GALNT5: variants seen among roughly 807,000 people sequenced by gnomAD.
GALNT5 encodes the protein UDP-GalNAc:polypeptide N-acetylgalactosaminyltransferase 5.
GALNT5 carries 72 observed loss-of-function variants against 85.4 expected under a neutral mutation model. The observed-to-expected ratio is 0.84, with a 90% CI of 0.70 to 1.03. GALNT5 has a LOEUF of 1.03. Ranked by LOEUF, GALNT5 falls within the 50% of genes least tolerant of loss-of-function variation. The pLI is 0.00. For synonymous variants in GALNT5, 404 were observed against 397.0 expected, an observed-to-expected ratio of 1.02 and a Z score of -0.21; for missense variants, 1,137 against 1,135.5, an observed-to-expected ratio of 1.00 and a Z score of -0.02.
Position 157,286,019 on chromosome 2 carries a change from T to C in GALNT5, c.1626T>C (p.Tyr542=). 1 of 1,596,110 alleles carries C rather than the reference T, an allele frequency of 6.3e-7. No homozygotes were observed. Among genetic ancestry groups the C allele is most frequent in the Non-Finnish European group, 8.6e-7 (1 of 1,163,824 alleles). ...LLVDDFSTKD[Y]LKDNLDKYMS... Reference sequence around the variant, plus strand: ...TTTATCTTTACTCTGATGTAGACTATCTAAAAGATAATTTGGATAAATACA... The same window carrying C: ...TTTATCTTTACTCTGATGTAGACTACCTAAAAGATAATTTGGATAAATACA... Residue 542 remains tyrosine (Y), a synonymous_variant, in exon 3 of 10, where the codon TAT becomes TAC. Transcript: ENST00000259056.
intron 8 of GALNT5, among the ~76,000 whole-genome samples, chr2:157,307,494 A>T (rs986898271): frequency 6.6e-6 from 1 of 152,184 alleles, no homozygotes; most frequent in Non-Finnish European, 1.5e-5. Context: ...ATATTATGCC[A>T]TACTTCCATG....
intron 9 of GALNT5, among the ~76,000 whole-genome samples, chr2:157,309,985 AGG>A (rs576049311): frequency 6.8e-4 from 104 of 152,108 alleles, no homozygotes; most frequent in African/African-American, 2.2e-3. Flanking sequence ...GGAAGGAGAA[AGG>A]GGGGGATGTG....
In GALNT5 at chr2:157,300,811, G is replaced by A. The variant is rs1284506715; in HGVS notation, c.2251G>A (p.Val751Ile). 6.2e-7 allele frequency: 1 copy of A among 1,614,096 alleles called. No homozygotes were observed. Among genetic ancestry groups the A allele is most frequent in the Non-Finnish European group, 8.5e-7 (1 of 1,180,018 alleles). ...GCGGAACTTGGTGCGGGTTGCCGAGGTCTGGCTGGATGAGTATAAGGAGCT... is the reference window on the plus strand; with the variant it reads ...GCGGAACTTGGTGCGGGTTGCCGAGATCTGGCTGGATGAGTATAAGGAGCT... ...VERNLVRVAE[V>I]WLDEYKELFY... Residue 751 changes from valine to isoleucine, a missense_variant, in exon 7 of 10, where the codon GTC becomes ATC. Coordinates refer to ENST00000259056, the MANE Select transcript of GALNT5 (RefSeq NM_014568.3).
chr2:157,299,365 T>G (rs959173012), intron 5 of GALNT5, among the ~76,000 whole-genome samples, 183 bp from the exon 6 acceptor site: 5 of 152,198 alleles, frequency 3.3e-5, no homozygotes, highest in African/African-American at 1.2e-4. Flanking sequence ...AATCTAGCTC[T>G]GCCACCATGA....
At position 157,286,616 on chromosome 2, in the gene GALNT5, G is replaced by A. The variant is rs1008749092; in HGVS notation, c.1741+482G>A. Among the ~76,000 whole-genome samples the A allele has an allele frequency of 2.0e-5, 3 of 152,004 alleles. No individual in the cohort carries two copies. In the East Asian group the frequency reaches 5.8e-4, roughly 29 times the overall value. ...CCTCCCTCGTTCACACCGTTCTCCT[G>A]CCTCAGCCTCCCAAGTAGCTGGGAT... On this transcript the variant is annotated intron_variant, in intron 3 of 9. Transcript: ENST00000259056.
chr2:157,300,752 A>G lies in GALNT5; in HGVS notation c.2192A>G (p.Tyr731Cys), dbSNP rs747880412. ...VGHIFRNDNP[Y>C]SFPKDRMKTV... ...CATATATTCAGAAATGACAATCCAT[A>G]TTCCTTCCCCAAAGACCGGATGAAG... The change falls in exon 7 of 10, where the codon TAT becomes TGT. Residue 731 changes from tyrosine (Y) to cysteine (C), a missense_variant. Physicochemically the swap from Tyr to Cys is radical, Grantham distance 194 (BLOSUM62 -2). Coordinates refer to ENST00000259056, the MANE Select transcript of GALNT5 (RefSeq NM_014568.3). 23 of 1,614,032 alleles carry G rather than the reference A, an allele frequency of 1.4e-5. No homozygotes were observed. The highest frequency in any genetic ancestry group is 1.9e-5 in the Non-Finnish European group (22 of 1,179,926).
At chr2:157,286,239 T>G (rs751486317) in intron 3 of GALNT5, 105 bp downstream of exon 3, 3 of 836,856 alleles carry the variant, frequency 3.6e-6, no homozygotes, top group Non-Finnish European at 5.8e-6. Context: ...TGCCTATATA[T>G]GCATCACTTA....
chr2:157,290,112 T>TATATATATATATACACACACAC (rs1416458086), intron 3 of GALNT5, among the ~76,000 whole-genome samples: 4 of 138,254 alleles, frequency 2.9e-5, no homozygotes, highest in African/African-American at 1.2e-4. Flanking sequence ...TATATATATA[T>TATATATATATATACACACACAC]ACATACACAA....
chr2:157,289,388 G>A (rs954150111), intron 3 of GALNT5, among the ~76,000 whole-genome samples: 1 of 152,194 alleles, frequency 6.6e-6, no homozygotes, highest in Non-Finnish European at 1.5e-5. Context: ...ACAATGGCTT[G>A]TGTAGAAATA....
chr2:157,282,310 T>A (rs1284327089), intron 1 of GALNT5, among the ~76,000 whole-genome samples: 1 of 152,174 alleles, frequency 6.6e-6, no homozygotes, highest in East Asian at 1.9e-4. Flanking sequence ...AATCAATGAT[T>A]TGTGAGTCAT....
At position 157,258,731 on chromosome 2, in the gene GALNT5, A is replaced by T; in HGVS notation, c.649A>T (p.Asn217Tyr). 6.2e-7 allele frequency: 1 copy of T among 1,614,028 alleles called. No homozygotes were observed. Among genetic ancestry groups the T allele is most frequent in the Non-Finnish European group, 8.5e-7 (1 of 1,179,990 alleles). ...AAAACTAGCAGCTGAAAGGGACTTG[A>T]ATGTGACCATCAGTCTTAGTACTGA... is the stretch of plus-strand genomic sequence containing the variant. ...TSKLAAERDL[N>Y]VTISLSTDRP... The change falls in exon 1 of 10, where the codon AAT becomes TAT. Residue 217 changes from asparagine to tyrosine, a missense_variant. Coordinates refer to ENST00000259056, the MANE Select transcript of GALNT5 (RefSeq NM_014568.3).
chr2:157,270,912 G>A (rs1192668682), intron 1 of GALNT5, among the ~76,000 whole-genome samples: 1 of 152,132 alleles, frequency 6.6e-6, no homozygotes. Context: ...TCAGGAGATC[G>A]AGACCATCCT....
chr2:157,289,443 TACAGTAG>T (rs1683045910), intron 3 of GALNT5, among the ~76,000 whole-genome samples: 1 of 152,220 alleles, frequency 6.6e-6, no homozygotes, highest in South Asian at 2.1e-4. Context: ...CACATATAAC[TACAGTAG>T]ACATTTTATC....
At chr2:157,300,246 G>T (rs1465042480) in intron 6 of GALNT5, among the ~76,000 whole-genome samples, 5 of 152,112 alleles carry the variant, frequency 3.3e-5, no homozygotes, top group African/African-American at 2.4e-5. Context: ...TATGTAAAAG[G>T]GTGTAATTTT....
chr2:157,282,939 G>A (rs1002596429), intron 1 of GALNT5, among the ~76,000 whole-genome samples: 4 of 152,168 alleles, frequency 2.6e-5, no homozygotes, highest in African/African-American at 4.8e-5. Context: ...ATGCAAATGT[G>A]ATTTGCTTTA....
rs755722602 is a variant in GALNT5 at position 157,258,119 on chromosome 2, C to T, written c.37C>T (p.Arg13Ter). The change falls in exon 1 of 10, where the codon CGA becomes TGA. Residue 13 changes from arginine (R) to a stop codon, truncating the protein, a stop_gained. Transcript: ENST00000259056. LOFTEE classifies it high-confidence loss of function. ...CCGAAAGTTTTTCCGAGGAAGTGGG[C>T]GAGTCTTGGCATTTATCTTTGTAGC... is the stretch of plus-strand genomic sequence containing the variant. ...RIRKFFRGSGRVLAFIFVASV... is the reference protein window; with the variant it reads ...RIRKFFRGSG 15 of 1,613,824 alleles carry T rather than the reference C, an allele frequency of 9.3e-6. No homozygotes were observed. The highest frequency in any genetic ancestry group is 1.6e-4 in the Middle Eastern group (1 of 6,076).
chr2:157,262,810 T>C (rs1167982654), intron 1 of GALNT5, among the ~76,000 whole-genome samples: 2 of 149,866 alleles, frequency 1.3e-5, no homozygotes, highest in African/African-American at 2.5e-5. Flanking sequence ...AAGATTCAAT[T>C]TCACAACTCT....
At chr2:157,307,402 C>T (rs1683477062) in intron 8 of GALNT5, among the ~76,000 whole-genome samples, 1 of 152,144 alleles carries the variant, frequency 6.6e-6, no homozygotes, top group East Asian at 1.9e-4. Context: ...AAAAAGTTTC[C>T]TTAGTTATTA....
rs1202725703 is a variant in GALNT5, at chr2:157,258,179, C to G, written c.97C>G (p.Leu33Val). The stretch of plus-strand genomic sequence containing the variant: ...CTGGCTCCTCTTTGACATGGCAGCT[C>G]TCCGCCTCTCATTCAGTGAGATCAA... ...VIWLLFDMAA[L>V]RLSFSEINTR... The change falls in exon 1 of 10, where the codon CTC becomes GTC. Residue 33 changes from leucine (L) to valine (V), a missense_variant. Leu to Val is a conservative substitution (Grantham distance 32). Transcript: ENST00000259056. The G allele has an allele frequency of 6.2e-7, 1 of 1,612,430 alleles. No individual in the cohort carries two copies. Among genetic ancestry groups the G allele is most frequent in the Non-Finnish European group, 8.5e-7 (1 of 1,179,536 alleles).
Sources: gnomAD v4.1 joint callset for allele counts (sites outside exome capture counted in the v4.1 genomes callset) on GRCh38, gnomAD v4.1.1 for gene constraint, MANE v1.5 for transcripts, NCBI Gene and HGNC (gene_info 2026-07-23, HGNC 2026-07-21) for gene names.